The following MEPCE variants were observed in gnomAD, a reference collection of about 807,000 sequenced individuals.
The protein encoded by MEPCE is methylphosphate capping enzyme.
Under a neutral mutation model 52.3 loss-of-function variants are expected in MEPCE, and 9 were observed. The ratio of observed to expected loss-of-function variants is 0.17; its 90% CI spans 0.10 to 0.30. The LOEUF (loss-of-function observed/expected upper bound fraction) is 0.30. MEPCE is among the 10% of genes least tolerant of loss of function. The pLI, the probability that MEPCE is intolerant of heterozygous loss-of-function variation, is 1.00. For missense variants in MEPCE, 826 were observed against 933.0 expected (o/e 0.89, Z 1.49); for synonymous variants, 477 against 401.6 (o/e 1.19, Z -2.25).
Position 100,433,379 on chromosome 7 carries a change from C to T in MEPCE, c.2007C>T (p.Asn669=), listed in dbSNP as rs2131008889. 6.2e-7 allele frequency: 1 copy of T among 1,614,220 alleles called. No individual in the cohort carries two copies. Among genetic ancestry groups the T allele is most frequent in the African/African-American group, 1.3e-5 (1 of 75,068 alleles). ...ATGAGCTTGTGGCCACACCCCACAA[C>T]ACCTCTAAAGGTAAGGCTGGTTTAT... ...SSYELVATPH[N]TSKGFQRPVY... The change falls in exon 3 of 4, where the codon AAC becomes AAT. Residue 669 remains asparagine, a synonymous_variant. Coordinates refer to ENST00000310512, the MANE Select transcript of MEPCE (RefSeq NM_019606.6).
At chr7:100,429,153 A>G (rs972530239), upstream of MEPCE, 2 of 152,164 alleles carry the variant, frequency 1.3e-5, no homozygotes, top group Non-Finnish European at 2.9e-5. Flanking sequence ...GAAGGTGGGC[A>G]GAGGGGGGGA....
intron 1 of MEPCE, among the ~76,000 whole-genome samples, chr7:100,432,154 C>T (rs1413067409): frequency 6.6e-6 from 1 of 152,224 alleles, no homozygotes; most frequent in African/African-American, 2.4e-5. Context: ...CACCTTGCTC[C>T]TATCAGCGGC....
chr7:100,433,089 C>T lies in MEPCE; in HGVS notation c.1842C>T (p.Val614=), dbSNP rs1306134729. The change falls in exon 2 of 4, where the codon GTC becomes GTT. Residue 614 remains valine (V), a synonymous_variant. Transcript: ENST00000310512. The part of the protein sequence containing the change: ...YRHLRPGGIL[V]LEPQPWSSYG... ...ACCTACGCCCTGGGGGCATCCTGGT[C>T]CTAGAGCCCCAACCCTGGTCGTCGT... 4 of 1,613,902 alleles carry T rather than the reference C, an allele frequency of 2.5e-6. No individual in the cohort carries two copies. Among genetic ancestry groups the T allele is most frequent in the Non-Finnish European group, 3.4e-6 (4 of 1,180,046 alleles).
chr7:100,432,535 A>G (rs949539957), intron 1 of MEPCE, among the ~76,000 whole-genome samples: 1 of 152,244 alleles, frequency 6.6e-6, no homozygotes, highest in African/African-American at 2.4e-5. Flanking sequence ...AAGGAACCAC[A>G]GGTCTGCCTT....
In MEPCE at chr7:100,431,198, C is replaced by A; in HGVS notation, c.1180C>A (p.Arg394Ser). ...AAAGGGCCGAGGGAGTTGGGGAGGC[C>A]GCCACCACCACCACCACCCACTGCC... Reference protein sequence around the residue: ...KEKGRGSWGGRHHHHHPLPAA... With the variant: ...KEKGRGSWGGSHHHHHPLPAA... Residue 394 changes from arginine to serine, a missense_variant, in exon 1 of 4, where the codon CGC becomes AGC. Coordinates refer to ENST00000310512, the MANE Select transcript of MEPCE (RefSeq NM_019606.6). 3 of 1,613,684 alleles carry A rather than the reference C, an allele frequency of 1.9e-6. No homozygotes were observed. The highest frequency in any genetic ancestry group is 2.5e-6 in the Non-Finnish European group (3 of 1,179,992).
rs1798647218 is a variant in MEPCE, at chr7:100,430,722, T to C, written c.704T>C (p.Ile235Thr). The part of the protein sequence containing the change: ...DPVEILIPKD[I>T]TDPLSLNTCT... ...GTGGAGATCCTCATCCCCAAAGATA[T>C]TACTGACCCGCTCAGTCTCAATACT... is the stretch of plus-strand genomic sequence containing the variant. The change falls in exon 1 of 4, where the codon ATT becomes ACT. Residue 235 changes from isoleucine to threonine, a missense_variant. Physicochemically the swap from Ile to Thr is moderately conservative, Grantham distance 89. Transcript: ENST00000310512. 2.5e-6 allele frequency: 4 copies of C among 1,613,866 alleles called. No homozygotes were observed. The highest frequency in any genetic ancestry group is 3.4e-6 in the Non-Finnish European group (4 of 1,180,008).
chr7:100,430,175 C>T lies in MEPCE; in HGVS notation c.157C>T (p.Arg53Cys), dbSNP rs1798577197. ...CGGCGGGACGGAGCGTGGTCCGGGT[C>T]GTTGCGCGCCATCTGCGGGGTCCCC... The part of the protein sequence containing the change: ...LRGGTERGPG[R>C]CAPSAGSPAA... The change falls in exon 1 of 4, where the codon CGT becomes TGT. Residue 53 changes from arginine to cysteine, a missense_variant. Physicochemically the swap from Arg to Cys is radical, Grantham distance 180. Coordinates refer to ENST00000310512, the MANE Select transcript of MEPCE (RefSeq NM_019606.6). The T allele has an allele frequency of 3.9e-6, 5 of 1,294,402 alleles. No individual in the cohort carries two copies. The highest frequency in any genetic ancestry group is 3.9e-6 in the Non-Finnish European group (4 of 1,023,514). 80.2% of individuals were successfully genotyped at this position (1,294,402 alleles called of 1,614,324 possible). A position where few individuals can be genotyped will look rare whatever the true frequency, so the allele number is the denominator to read the frequency against.
chr7:100,431,793 C>A, intron 1 of MEPCE, 104 bp downstream of exon 1: 1 of 1,171,312 alleles, frequency 8.5e-7, no homozygotes, highest in Non-Finnish European at 1.2e-6. Flanking sequence ...AAAGAGGGGT[C>A]TGGGTTGGCA....
In MEPCE at chr7:100,431,592, C is replaced by T; in HGVS notation, c.1574C>T (p.Ala525Val). 1.2e-6 allele frequency: 2 copies of T among 1,611,596 alleles called. No homozygotes were observed. Among genetic ancestry groups the T allele is most frequent in the South Asian group, 1.1e-5 (1 of 91,088 alleles). The change falls in exon 1 of 4, where the codon GCC becomes GTC. Residue 525 changes from alanine to valine, a missense_variant. Around this residue, in one of 7 missense-constraint regions of MEPCE, gnomAD observed 107 missense variants for 157.9 expected, o/e 0.68. Transcript: ENST00000310512. Reference protein sequence around the residue: ...TTVRKRSCFPASLTASRGPIA... With the variant: ...TTVRKRSCFPVSLTASRGPIA... ...GTTCGAAAGAGGAGCTGCTTCCCAGCCTCGCTGACTGCCAGCCGGGGTCCC... is the reference window on the plus strand; with the variant it reads ...GTTCGAAAGAGGAGCTGCTTCCCAGTCTCGCTGACTGCCAGCCGGGGTCCC...
At position 100,434,064 on chromosome 7, in the gene MEPCE, G is replaced by T. The variant is rs1798803470; in HGVS notation, c.*510G>T. 6.3e-6 allele frequency: 1 copy of T among 158,246 alleles called. No homozygotes were observed. The highest frequency in any genetic ancestry group is 1.4e-5 in the Non-Finnish European group (1 of 71,540). 9.8% of individuals were successfully genotyped at this position (158,246 alleles called of 1,614,324 possible). Reference sequence around the variant, plus strand: ...CCTCCCCCAGTGGGAGAGGGGGTTGGGTTTTCAATGTGAGAACAGCACAAT... The same window carrying T: ...CCTCCCCCAGTGGGAGAGGGGGTTGTGTTTTCAATGTGAGAACAGCACAAT... On this transcript the variant is annotated 3_prime_UTR_variant, in exon 4 of 4. Transcript: ENST00000310512.
At position 100,432,902 on chromosome 7, in the gene MEPCE, C is replaced by T. The variant is rs1350560640; in HGVS notation, c.1672-17C>T. 6.2e-7 allele frequency: 1 copy of T among 1,611,868 alleles called. No homozygotes were observed. The highest frequency in any genetic ancestry group is 8.5e-7 in the Non-Finnish European group (1 of 1,178,108). The stretch of plus-strand genomic sequence containing the variant: ...TTGATTCCCTCAGTTGACCTCACTG[C>T]CGATTCTTGCCCTCAGGGTAATTAT... On this transcript the variant is annotated splice_polypyrimidine_tract_variant and intron_variant, in intron 1 of 3. Coordinates refer to ENST00000310512, the MANE Select transcript of MEPCE (RefSeq NM_019606.6).
At chr7:100,432,870 G>A (rs1563165242) in intron 1 of MEPCE, 49 bp from the exon 2 acceptor site, 1 of 1,564,514 alleles carries the variant, frequency 6.4e-7, no homozygotes, top group Non-Finnish European at 8.8e-7. Flanking sequence ...CTGGGAGCAG[G>A]GGTTCTTTGA....
intron 1 of MEPCE, 22 bp from the exon 2 acceptor site, chr7:100,432,897 C>T: frequency 1.9e-6 from 3 of 1,609,568 alleles, no homozygotes; most frequent in Non-Finnish European, 2.6e-6. Flanking sequence ...CAGTTGACCT[C>T]ACTGCCGATT....
chr7:100,431,779 C>G (rs559546749), intron 1 of MEPCE, 90 bp downstream of exon 1: 2 of 1,269,546 alleles, frequency 1.6e-6, no homozygotes, highest in African/African-American at 3.0e-5. Context: ...GACCCAGATC[C>G]TCAAAAGAGG....
In MEPCE at chr7:100,431,271, A is replaced by T. The variant is rs1196673754; in HGVS notation, c.1253A>T (p.Tyr418Phe). The change falls in exon 1 of 4, where the codon TAT becomes TTT. Residue 418 changes from tyrosine to phenylalanine, a missense_variant. Tyr to Phe is a conservative substitution (Grantham distance 22). This residue lies in a region of MEPCE where 307 missense variants were observed against 292.1 expected (regional missense o/e 1.05). Coordinates refer to ENST00000310512, the MANE Select transcript of MEPCE (RefSeq NM_019606.6). ...KQQRKFQYGN[Y>F]CKYYGYRNPS... The stretch of plus-strand genomic sequence containing the variant: ...CAGCGCAAGTTCCAGTATGGGAATT[A>T]TTGCAAATACTATGGGTACCGCAAT... 2 of 1,614,108 alleles carry T rather than the reference A, an allele frequency of 1.2e-6. No homozygotes were observed. The highest frequency in any genetic ancestry group is 1.7e-6 in the Non-Finnish European group (2 of 1,180,030).
At position 100,430,384 on chromosome 7, in the gene MEPCE, A is replaced by T. The variant is rs1281431880; in HGVS notation, c.366A>T (p.Thr122=). Residue 122 remains threonine, a synonymous_variant, in exon 1 of 4, where the codon ACA becomes ACT. Transcript: ENST00000310512. ...AGGAGCGCCGGGGAGGGGGCGGGAC[A>T]GAGCTGGGTCCCCCTGCTCCTCCTC... ...VGEERRGGGG[T]ELGPPAPPRP... 2 of 1,488,204 alleles carry T rather than the reference A, an allele frequency of 1.3e-6. No homozygotes were observed. Among genetic ancestry groups the T allele is most frequent in the African/African-American group, 2.8e-5 (2 of 71,746 alleles). 92.2% of individuals were successfully genotyped at this position (1,488,204 alleles called of 1,614,324 possible).
intron 2 of MEPCE, 34 bp downstream of exon 2, chr7:100,433,171 T>C (rs1244043646): frequency 6.2e-7 from 1 of 1,613,164 alleles, no homozygotes; most frequent in Non-Finnish European, 8.5e-7. Flanking sequence ...GTCATTCCTT[T>C]GGTTGAGGCA....
rs1457192913 is a variant in MEPCE at position 100,431,419 on chromosome 7, G to T, written c.1401G>T (p.Pro467=). Residue 467 remains proline (P), a synonymous_variant, in exon 1 of 4, where the codon CCG becomes CCT. Coordinates refer to ENST00000310512, the MANE Select transcript of MEPCE (RefSeq NM_019606.6). The part of the protein sequence containing the change: ...LTLSIACKWG[P]SRMVGLDIDS... ...TGAGCATTGCCTGCAAGTGGGGCCCGTCCCGCATGGTGGGCCTGGATATCG... is the reference window on the plus strand; with the variant it reads ...TGAGCATTGCCTGCAAGTGGGGCCCTTCCCGCATGGTGGGCCTGGATATCG... 6.2e-7 allele frequency: 1 copy of T among 1,613,958 alleles called. No individual in the cohort carries two copies. Among genetic ancestry groups the T allele is most frequent in the African/African-American group, 1.3e-5 (1 of 74,930 alleles).
rs1584328075 is a variant in MEPCE at position 100,433,651 on chromosome 7, C to T, written c.*97C>T. The T allele has an allele frequency of 8.0e-7, 1 of 1,245,960 alleles. No individual in the cohort carries two copies. Among genetic ancestry groups the T allele is most frequent in the East Asian group, 2.4e-5 (1 of 41,822 alleles). The allele number at this position is 1,245,960 out of a possible 1,614,324, so 77.2% of individuals were successfully genotyped here. A position where few individuals can be genotyped will look rare whatever the true frequency, so the allele number is the denominator to read the frequency against. On this transcript the variant is annotated 3_prime_UTR_variant, in exon 4 of 4. Transcript: ENST00000310512. ...GTCCCAAGGTCTTTCCTTTCTGACTCCAAAAATAGTTTCCTTTCTTGGATC... is the reference window on the plus strand; with the variant it reads ...GTCCCAAGGTCTTTCCTTTCTGACTTCAAAAATAGTTTCCTTTCTTGGATC...
Sources: allele counts gnomAD v4.1 joint callset (sites outside exome capture counted in the v4.1 genomes callset), GRCh38; gene constraint gnomAD v4.1.1; regional missense constraint gnomAD v4.1.1; transcripts MANE v1.5; gene names NCBI Gene and HGNC (gene_info 2026-07-23, HGNC 2026-07-21).